Variants in DPP6 observed in about 807,000 individuals in gnomAD.
DPP6 encodes dipeptidyl peptidase like 6.
DPP6 carries 69 observed loss-of-function variants against 122.6 expected under a neutral mutation model. The ratio of observed to expected loss-of-function variants is 0.56; its 90% confidence interval spans 0.46 to 0.69. The LOEUF is 0.69. Among genes scored for constraint, DPP6 ranks in the 30% least tolerant of loss-of-function variants. DPP6 has a pLI of 0.00. For synonymous variants in DPP6, 418 were observed against 433.1 expected, an observed-to-expected ratio of 0.97 and a Z score of 0.43; for missense variants, 928 against 1,116.9, an observed-to-expected ratio of 0.83 and a Z score of 2.41.
At chr7:153,962,427 T>G (rs1187232332) in intron 1 of DPP6, among the ~76,000 whole-genome samples, 2 of 152,206 alleles carry the variant, frequency 1.3e-5, no homozygotes, top group Non-Finnish European at 2.9e-5. Flanking sequence ...TCTTTTGTGC[T>G]TCTCTTCCTC....
chr7:153,966,721 T>G (rs1454929256), intron 1 of DPP6, among the ~76,000 whole-genome samples: 1 of 152,054 alleles, frequency 6.6e-6, no homozygotes, highest in African/African-American at 2.4e-5. Context: ...AACAAAATAC[T>G]ATGAGTAGAA....
intron 1 of DPP6, among the ~76,000 whole-genome samples, chr7:153,999,538 C>T (rs1415301166): frequency 3.9e-5 from 6 of 152,248 alleles, no homozygotes; most frequent in East Asian, 1.9e-4. Flanking sequence ...GAGTACTTGC[C>T]GAGTGCTCAC....
intron 16 of DPP6, 33 bp downstream of exon 16, chr7:154,807,145 C>T (rs1587204026): frequency 1.2e-6 from 2 of 1,605,454 alleles, no homozygotes; most frequent in South Asian, 1.1e-5. Flanking sequence ...GGGCAAAGAG[C>T]CCTGGCAGGC....
chr7:154,567,660 GAT>G (rs1830844189), intron 5 of DPP6, among the ~76,000 whole-genome samples: 2 of 152,224 alleles, frequency 1.3e-5, no homozygotes. Flanking sequence ...TGGCAAATAA[GAT>G]ATAGAGTCTA....
rs1466382306 is a variant in DPP6 at position 154,877,941 on chromosome 7, G to A, written c.2078+1841G>A. Among the ~76,000 whole-genome samples, 1 of 152,212 alleles carries A rather than the reference G, an allele frequency of 6.6e-6. No individual in the cohort carries two copies. The highest frequency in any genetic ancestry group is 1.5e-5 in the Non-Finnish European group (1 of 68,030). On this transcript the variant is annotated intron_variant, in intron 20 of 25. Transcript: ENST00000377770. This position sits in a 1 kb window ranked among gnomAD's most constrained non-coding sequence, Gnocchi z 5.2. ...AGCAGCGGGCAGTGCCAGCCACAGA[G>A]GACTCCCAGGACACGGAAGCCGGCC...
chr7:153,926,885 C>G (rs140963160), intron 1 of DPP6, among the ~76,000 whole-genome samples: 1 of 151,818 alleles, frequency 6.6e-6, no homozygotes, highest in South Asian at 2.1e-4. Context: ...AAAACATCTA[C>G]GTATTTTAAA....
intron 1 of DPP6, among the ~76,000 whole-genome samples, chr7:154,289,799 G>A (rs184860489): frequency 3.9e-5 from 6 of 152,118 alleles, no homozygotes; most frequent in African/African-American, 9.7e-5. Flanking sequence ...CAACCCCAGC[G>A]TCTGATGGGG....
At chr7:154,130,398 T>G (rs1795209593) in intron 1 of DPP6, among the ~76,000 whole-genome samples, 2 of 152,188 alleles carry the variant, frequency 1.3e-5, no homozygotes, top group African/African-American at 4.8e-5. Flanking sequence ...GTAGGCCGGT[T>G]TCCTCATCTG....
intron 1 of DPP6, among the ~76,000 whole-genome samples, chr7:154,081,941 T>C (rs1288330517): frequency 6.6e-6 from 1 of 152,190 alleles, no homozygotes; most frequent in Non-Finnish European, 1.5e-5. Context: ...TGGAGCCACC[T>C]CTTTCTTGGG....
At chr7:154,706,603 T>C (rs1296038131) in intron 7 of DPP6, among the ~76,000 whole-genome samples, 2 of 152,182 alleles carry the variant, frequency 1.3e-5, no homozygotes, top group African/African-American at 4.8e-5. Flanking sequence ...CACCTCTCCA[T>C]GTCCCTGGAC....
At chr7:154,332,982 G>T (rs1281181730) in intron 1 of DPP6, among the ~76,000 whole-genome samples, 2 of 152,166 alleles carry the variant, frequency 1.3e-5, no homozygotes, top group African/African-American at 2.4e-5. Flanking sequence ...CTCGCGATGG[G>T]TCCGGGGAAC....
At chr7:154,816,514 T>C (rs775648055) in intron 16 of DPP6, among the ~76,000 whole-genome samples, 3 of 152,340 alleles carry the variant, frequency 2.0e-5, no homozygotes, top group Middle Eastern at 3.4e-3. Flanking sequence ...CCACTGTACC[T>C]GTCCTGTGAG....
In DPP6 at chr7:153,967,300, C is replaced by T. The variant is rs576380148; in HGVS notation, c.51+79566C>T. 1.6e-4 allele frequency among the ~76,000 whole-genome samples: 25 copies of T among 152,142 alleles called. 1 individual carries two copies. Among genetic ancestry groups the T allele is most frequent in the East Asian group, 3.9e-4 (2 of 5,178 alleles). On this transcript the variant is annotated intron_variant, in intron 1 of 25. Coordinates refer to the DPP6 transcript ENST00000404039. ...AATGCATTTTCCCATCCCTGATAAG[C>T]TCAGCACGATATGTGACTTAGCTCT...
At chr7:154,665,045 C>T (rs1218725395) in intron 6 of DPP6, among the ~76,000 whole-genome samples, 1 of 152,196 alleles carries the variant, frequency 6.6e-6, no homozygotes, top group Admixed American at 6.5e-5. Flanking sequence ...CTTCTTAGCA[C>T]CCTCCAGTCT....
intron 1 of DPP6, among the ~76,000 whole-genome samples, chr7:154,382,904 T>G (rs2151146155): frequency 6.6e-6 from 1 of 152,282 alleles, no homozygotes; most frequent in African/African-American, 2.4e-5. Flanking sequence ...TTTTTGTATT[T>G]TTAGTAGAAA....
At position 154,063,528 on chromosome 7, in the gene DPP6, G is replaced by A. The variant is rs560737262; in HGVS notation, c.243+10465G>A. The stretch of plus-strand genomic sequence containing the variant: ...TAAGACCCCCATCGCAGGAGGGGGA[G>A]GCACCCCCCGCGAGGGTGGGGACTG... On this transcript the variant is annotated intron_variant, in intron 1 of 25. Transcript: ENST00000377770. 2.4e-4 allele frequency among the ~76,000 whole-genome samples: 32 copies of A among 131,458 alleles called. 6 individuals carry two copies. Among genetic ancestry groups the A allele is most frequent in the East Asian group, 1.6e-3 (7 of 4,322 alleles). The allele number at this position is 131,458 out of a possible 152,430, so 86.2% of individuals were successfully genotyped here. A position where few individuals can be genotyped will look rare whatever the true frequency, so the allele number is the denominator to read the frequency against.
chr7:154,851,512 G>A (rs375356495), intron 16 of DPP6, among the ~76,000 whole-genome samples: 3 of 152,114 alleles, frequency 2.0e-5, no homozygotes, highest in Admixed American at 6.5e-5. Flanking sequence ...CTCCCCATGG[G>A]GGGGAAATGA....
the DPP6 span, among the ~76,000 whole-genome samples, chr7:153,802,826 T>G: frequency 6.6e-6 from 1 of 152,208 alleles, no homozygotes; most frequent in Admixed American, 6.5e-5. Context: ...GGACTCCCAG[T>G]GGCTCTACTT....
chr7:154,332,381 A>G (rs1364414729), intron 1 of DPP6, among the ~76,000 whole-genome samples: 3 of 152,212 alleles, frequency 2.0e-5, no homozygotes, highest in Non-Finnish European at 4.4e-5. Context: ...CATGGTTTTC[A>G]AACTTTAATG....
Sources: gnomAD v4.1 joint callset for allele counts (sites outside exome capture counted in the v4.1 genomes callset) on GRCh38, gnomAD v4.1.1 for gene constraint, Gnocchi (gnomAD v3.1) non-coding constraint, MANE v1.5 for transcripts, NCBI Gene and HGNC (gene_info 2026-07-23, HGNC 2026-07-21) for gene names.